Variants in SNAP47 observed in about 807,000 individuals in gnomAD.
SNAP47 encodes the protein synaptosomal-associated protein 47.
SNAP47 carries 20 observed loss-of-function variants against 31.4 expected under a neutral mutation model. The ratio of observed to expected loss-of-function variants is 0.64; its 90% CI spans 0.45 to 0.93. The LOEUF (loss-of-function observed/expected upper bound fraction) is 0.93. SNAP47 is among the 40% of genes least tolerant of loss of function. The probability of loss-of-function intolerance (pLI) is 0.00; values close to 1 mark genes in which losing one functional copy is unlikely to be tolerated. For synonymous variants in SNAP47, 194 were observed against 213.4 expected, an observed-to-expected ratio of 0.91 and a Z score of 0.79; for missense variants, 492 against 528.5, an observed-to-expected ratio of 0.93 and a Z score of 0.68.
intron 4 of SNAP47, among the ~76,000 whole-genome samples, chr1:227,777,529 G>T (rs1408522962): frequency 1.3e-5 from 2 of 152,202 alleles, no homozygotes; most frequent in Non-Finnish European, 2.9e-5. Flanking sequence ...GCCGTAGGTA[G>T]TGTAACCTTC....
intron 4 of SNAP47, among the ~76,000 whole-genome samples, chr1:227,767,750 C>T (rs777396648): frequency 2.6e-5 from 4 of 152,074 alleles, no homozygotes; most frequent in Non-Finnish European, 5.9e-5. Flanking sequence ...TGTGCATGTG[C>T]GTGCATGTGT....
At position 227,747,675 on chromosome 1, in the gene SNAP47, T is replaced by C; in HGVS notation, c.-45-17T>C. 4 of 1,569,776 alleles carry C rather than the reference T, an allele frequency of 2.5e-6. No homozygotes were observed. Among genetic ancestry groups the C allele is most frequent in the South Asian group, 1.2e-5 (1 of 84,688 alleles). On this transcript the variant is annotated splice_polypyrimidine_tract_variant and intron_variant, in intron 1 of 4. Coordinates refer to ENST00000617596, the MANE Select transcript of SNAP47 (RefSeq NM_053052.4). ...TCCATGGGTGACGGCAGAACGTTAC[T>C]GTCTCTTCTCCTTCAGAGGCAGAAG... is the stretch of plus-strand genomic sequence containing the variant.
At chr1:227,751,944 T>C (rs997722895) in intron 2 of SNAP47, among the ~76,000 whole-genome samples, 14 of 151,916 alleles carry the variant, frequency 9.2e-5, no homozygotes, top group African/African-American at 3.1e-4. Flanking sequence ...TTTTGTATTT[T>C]TTAGTAGAGA....
rs373881498 is a variant in SNAP47 at position 227,780,478 on chromosome 1, G to A, written c.1114-49G>A. The A allele has an allele frequency of 1.9e-6, 3 of 1,609,976 alleles. No homozygotes were observed. The African/African-American group carries it at 4.0e-5, about 21-fold the overall frequency. ...AGAGGGGGAGATGTTGTCTGTGCTAGAGTTTGCAGAGATGGCAGCCTCTGC... is the reference window on the plus strand; with the variant it reads ...AGAGGGGGAGATGTTGTCTGTGCTAAAGTTTGCAGAGATGGCAGCCTCTGC... On this transcript the variant is annotated intron_variant, in intron 4 of 4. Transcript: ENST00000617596.
upstream of SNAP47, chr1:227,731,568 T>G (rs1052522760): frequency 1.3e-5 from 2 of 151,804 alleles, no homozygotes; most frequent in African/African-American, 4.8e-5. Context: ...CCCACGAGAG[T>G]CCATTCCCCA....
rs562240608 is a variant in SNAP47, at chr1:227,776,551, C to T, written c.1114-3976C>T. 77 of 985,488 alleles carry T rather than the reference C, an allele frequency of 7.8e-5. 1 individual carries two copies. The South Asian group carries it at 3.2e-3, about 41-fold the overall frequency. 61.0% of individuals were successfully genotyped at this position (985,488 alleles called of 1,614,324 possible). A position where few individuals can be genotyped will look rare whatever the true frequency, so the allele number is the denominator to read the frequency against. On this transcript the variant is annotated intron_variant, in intron 4 of 4. Transcript: ENST00000617596. Reference sequence around the variant, plus strand: ...AGCATCCTGCACAATGGCTAGATGGCTTGTCACCCCAGGCCGCAGAGGAAC... The same window carrying T: ...AGCATCCTGCACAATGGCTAGATGGTTTGTCACCCCAGGCCGCAGAGGAAC...
chr1:227,733,128 T>G (rs542720060), upstream of SNAP47: 170 of 1,345,154 alleles, frequency 1.3e-4, no homozygotes, highest in African/African-American at 2.2e-3. Context: ...TCCAGCCCTC[T>G]GCAGCCAAGA....
At chr1:227,758,884 G>T (rs1192421630) in intron 2 of SNAP47, 111 bp from the exon 3 acceptor site, 3 of 1,321,442 alleles carry the variant, frequency 2.3e-6, no homozygotes, top group Non-Finnish European at 3.1e-6. Flanking sequence ...AAATGAAGTA[G>T]AGTAAAATGG....
At chr1:227,765,751 C>G (rs780214057) in intron 3 of SNAP47, among the ~76,000 whole-genome samples, 26 of 152,178 alleles carry the variant, frequency 1.7e-4, no homozygotes, top group Non-Finnish European at 2.9e-4. Context: ...GCACTCGCAC[C>G]CATCTGCTGG....
chr1:227,739,145 A>G (rs58565844), intron 1 of SNAP47, among the ~76,000 whole-genome samples: 16,589 of 152,114 alleles, frequency 0.11, 961 homozygotes, highest in Middle Eastern at 0.21. Flanking sequence ...GCCCCACACA[A>G]TACTCCATTA....
At chr1:227,765,216 C>G (rs917420088) in intron 3 of SNAP47, among the ~76,000 whole-genome samples, 2 of 152,138 alleles carry the variant, frequency 1.3e-5, no homozygotes, top group East Asian at 3.9e-4. Context: ...CACTGCAGAC[C>G]AGACTACGAG....
rs890134479 is a variant in SNAP47, at chr1:227,773,512, G to A, written c.1113+6429G>A. Among the ~76,000 whole-genome samples the A allele has an allele frequency of 7.2e-5, 11 of 152,168 alleles. No homozygotes were observed. The South Asian group carries it at 1.0e-3, about 14-fold the overall frequency. On this transcript the variant is annotated intron_variant, in intron 4 of 4. Transcript: ENST00000617596. ...AATAAATTTAGTGGAGCCTTAGTGC[G>A]CAGTGTTGATAAAGTCCACAGTAGT...
intron 4 of SNAP47, chr1:227,775,726 T>C: frequency 7.7e-7 from 1 of 1,291,062 alleles, no homozygotes; most frequent in South Asian, 1.2e-5. Flanking sequence ...ATATTTATTT[T>C]TTGCCTTTAT....
At chr1:227,744,609 T>G (rs1661834640) in intron 1 of SNAP47, among the ~76,000 whole-genome samples, 1 of 149,128 alleles carries the variant, frequency 6.7e-6, no homozygotes, top group South Asian at 2.2e-4. Context: ...CTTCTGTGTG[T>G]GAGCTTTTGT....
chr1:227,733,533 G>C (rs747508812), upstream of SNAP47: 1 of 1,606,952 alleles, frequency 6.2e-7, no homozygotes, highest in South Asian at 1.1e-5. Flanking sequence ...GTGTCGCAGA[G>C]TGCTGGGGAG....
At chr1:227,745,285 C>T (rs1177055607) in intron 1 of SNAP47, among the ~76,000 whole-genome samples, 2 of 152,198 alleles carry the variant, frequency 1.3e-5, no homozygotes, top group Non-Finnish European at 2.9e-5. Context: ...TGGACAGAAG[C>T]AGCCCCACAG....
chr1:227,751,422 C>A (rs1249846869), intron 2 of SNAP47, among the ~76,000 whole-genome samples: 3 of 152,200 alleles, frequency 2.0e-5, no homozygotes, highest in Non-Finnish European at 4.4e-5. Flanking sequence ...CAGAGTGAGG[C>A]CCTGTGCCTG....
At chr1:227,760,566 A>G (rs1662996930) in intron 3 of SNAP47, among the ~76,000 whole-genome samples, 1 of 151,888 alleles carries the variant, frequency 6.6e-6, no homozygotes, top group South Asian at 2.1e-4. Flanking sequence ...CGTTTGGCCT[A>G]CCTCCTCCCT....
At chr1:227,753,162 G>A (rs1334830077) in intron 2 of SNAP47, among the ~76,000 whole-genome samples, 7 of 152,196 alleles carry the variant, frequency 4.6e-5, no homozygotes, top group Admixed American at 2.6e-4. Context: ...GGATGGACAC[G>A]TGGTTTCCAT....
Sources: allele counts gnomAD v4.1 joint callset (sites outside exome capture counted in the v4.1 genomes callset), GRCh38; gene constraint gnomAD v4.1.1; transcripts MANE v1.5; gene names NCBI Gene and HGNC (gene_info 2026-07-23, HGNC 2026-07-21).